The following RAD50 variants were observed in gnomAD, a reference collection of about 807,000 sequenced individuals.
The protein encoded by RAD50 is RAD50 double strand break repair protein.
In RAD50, 132 loss-of-function variants were observed where a neutral mutation model predicts 168.8. The ratio of observed to expected loss-of-function variants is 0.78; its 90% confidence interval spans 0.68 to 0.90. The LOEUF (loss-of-function observed/expected upper bound fraction) is 0.90. RAD50 is among the 40% of genes least tolerant of loss of function. The pLI is 0.00. For synonymous variants in RAD50, 525 were observed against 497.4 expected (o/e 1.06, Z -0.74); for missense variants, 1,347 against 1,534.4 (o/e 0.88, Z 2.04).
At chr5:132,587,318 A>G (rs1192897974) in intron 5 of RAD50, among the ~76,000 whole-genome samples, 3 of 152,184 alleles carry the variant, frequency 2.0e-5, no homozygotes, top group East Asian at 1.9e-4. Context: ...AGGACAGGAC[A>G]TGGTGTTTGG....
intron 22 of RAD50, 51 bp from the exon 23 acceptor site, chr5:132,638,029 CA>C (rs1427513466): frequency 6.3e-7 from 1 of 1,585,810 alleles, no homozygotes; most frequent in Non-Finnish European, 8.7e-7. Context: ...TTGTAAATGA[CA>C]AAAGGCTACA....
Position 132,595,816 on chromosome 5 carries a change from A to G in RAD50, c.2207+6A>G. 6.3e-7 allele frequency: 1 copy of G among 1,583,740 alleles called. No individual in the cohort carries two copies. The highest frequency in any genetic ancestry group is 8.6e-7 in the Non-Finnish European group (1 of 1,158,414). ...CTGGGACTTGTGCCCATGAGGTAAG[A>G]ATGGGATTTACCTTCACTGTACATG... On this transcript the variant is annotated splice_donor_region_variant and intron_variant, in intron 13 of 24. Transcript: ENST00000378823.
chr5:132,557,909 TAAATA>T (rs1750036375), intron 1 of RAD50, among the ~76,000 whole-genome samples: 1 of 151,992 alleles, frequency 6.6e-6, no homozygotes, highest in South Asian at 2.1e-4. Flanking sequence ...ACATGGAAAA[TAAATA>T]AATTCAAAAT....
rs1211207020 is a variant in RAD50 at position 132,603,384 on chromosome 5, AAAGAACGACATAG to A, written c.2299_2311del (p.Asp767LysfsTer8). 2.5e-6 allele frequency: 4 copies of A among 1,613,922 alleles called. No homozygotes were observed. The highest frequency in any genetic ancestry group is 3.4e-6 in the Non-Finnish European group (4 of 1,179,864). Reference sequence around the variant, plus strand: ...ATGTCAATAGAGACATACAGCGCCTAAAGAACGACATAGAAGAACAAGAAACACTCTTGGGTAC... The same window carrying A: ...ATGTCAATAGAGACATACAGCGCCTAAAGAACAAGAAACACTCTTGGGTAC... On this transcript the variant is annotated frameshift_variant, in exon 14 of 25. Coordinates refer to ENST00000378823, the MANE Select transcript of RAD50 (RefSeq NM_005732.4). LOFTEE classifies it high-confidence loss of function.
chr5:132,580,597 CA>C (rs1340179612), intron 5 of RAD50, among the ~76,000 whole-genome samples: 2 of 152,062 alleles, frequency 1.3e-5, no homozygotes, highest in Admixed American at 6.6e-5. Context: ...TTGAAGCATT[CA>C]AAAATTGCAC....
intron 2 of RAD50, among the ~76,000 whole-genome samples, chr5:132,574,676 C>G (rs115095602): frequency 6.6e-6 from 1 of 152,150 alleles, no homozygotes; most frequent in African/African-American, 2.4e-5. Flanking sequence ...TATGCTGTTT[C>G]CCTTTTAATA....
intron 21 of RAD50, among the ~76,000 whole-genome samples, chr5:132,624,759 G>A (rs1471246078): frequency 6.6e-6 from 1 of 151,688 alleles, no homozygotes; most frequent in East Asian, 1.9e-4. Flanking sequence ...AATTATCTGG[G>A]CGTGGTAGCA....
chr5:132,626,163 CGA>C (rs1751369545), intron 21 of RAD50, among the ~76,000 whole-genome samples: 1 of 152,076 alleles, frequency 6.6e-6, no homozygotes, highest in Non-Finnish European at 1.5e-5. Flanking sequence ...CCACCGCGCC[CGA>C]GAGGAACCAC....
At chr5:132,635,556 C>T (rs1489215136) in intron 21 of RAD50, among the ~76,000 whole-genome samples, 1 of 152,208 alleles carries the variant, frequency 6.6e-6, no homozygotes, top group Non-Finnish European at 1.5e-5. Context: ...CTCAGCAGAC[C>T]TGGCCATGGG....
rs148447593 is a variant in RAD50, at chr5:132,558,428, C to T, written c.130-856C>T. Among the ~76,000 whole-genome samples the T allele has an allele frequency of 2.6e-3, 390 of 152,188 alleles. 3 individuals carry two copies. Among genetic ancestry groups the T allele is most frequent in the African/African-American group, 9.0e-3 (375 of 41,518 alleles). On this transcript the variant is annotated intron_variant, in intron 1 of 24. Transcript: ENST00000378823. Reference sequence around the variant, plus strand: ...AAATGGAGATTAAAAATAGTTTCTACAGCTGGGCACGGTGGCTCACGCCTG... The same window carrying T: ...AAATGGAGATTAAAAATAGTTTCTATAGCTGGGCACGGTGGCTCACGCCTG...
intron 13 of RAD50, among the ~76,000 whole-genome samples, chr5:132,599,535 A>T (rs898090982): frequency 2.0e-5 from 3 of 152,144 alleles, no homozygotes; most frequent in African/African-American, 7.2e-5. Context: ...CACAAATGAA[A>T]GGTCAATAAT....
rs864622315 is a variant in RAD50, at chr5:132,559,286, C to G, written c.132C>G (p.Thr44=). 2 of 1,598,246 alleles carry G rather than the reference C, an allele frequency of 1.3e-6. No individual in the cohort carries two copies. The highest frequency in any genetic ancestry group is 1.7e-6 in the Non-Finnish European group (2 of 1,172,568). The change falls in exon 2 of 25, where the codon ACC becomes ACG. Residue 44 remains threonine (T), a splice_region_variant and synonymous_variant. Transcript: ENST00000378823. ...AATGTAATTTTCTATTTCTTTAGACCATCATTGAATGTCTAAAATATATTT... is the reference window on the plus strand; with the variant it reads ...AATGTAATTTTCTATTTCTTTAGACGATCATTGAATGTCTAAAATATATTT... ...LVGPNGAGKT[T]IIECLKYICT...
Position 132,619,881 on chromosome 5 carries a change from T to TAGAG in RAD50, c.3389+1588_3389+1589insGAGA, listed in dbSNP as rs1287520043. On this transcript the variant is annotated intron_variant, in intron 21 of 24. Coordinates refer to ENST00000378823, the MANE Select transcript of RAD50 (RefSeq NM_005732.4). ...ATATATATATATAAAGATATATATATATATAGAGAGAGAGAGAGAGAGATA... is the reference window on the plus strand; with the variant it reads ...ATATATATATATAAAGATATATATATAGAGATATAGAGAGAGAGAGAGAGAGATA... 2.5e-5 allele frequency among the ~76,000 whole-genome samples: 3 copies of TAGAG among 121,614 alleles called. 1 individual carries two copies. Among genetic ancestry groups the TAGAG allele is most frequent in the African/African-American group, 9.9e-5 (3 of 30,178 alleles). 79.8% of individuals were successfully genotyped at this position (121,614 alleles called of 152,430 possible).
In RAD50 at chr5:132,594,414, T is replaced by C. The variant is rs1188656594; in HGVS notation, c.1794-455T>C. 1.3e-5 allele frequency among the ~76,000 whole-genome samples: 2 copies of C among 152,110 alleles called. 1 individual carries two copies. Among genetic ancestry groups the C allele is most frequent in the East Asian group, 3.8e-4 (2 of 5,198 alleles). On this transcript the variant is annotated intron_variant, in intron 11 of 24. Transcript: ENST00000378823. ...AAAATCTTTGATGAATGAGAGGGAA[T>C]GACTGATCTGGACGCAAGTGGATGA...
intron 5 of RAD50, among the ~76,000 whole-genome samples, chr5:132,583,914 C>G (rs186371367): frequency 3.9e-4 from 60 of 152,128 alleles, no homozygotes; most frequent in Non-Finnish European, 7.5e-4. Context: ...TCAGGCTGGT[C>G]TCGAACTCCC....
At position 132,591,216 on chromosome 5, in the gene RAD50, T is replaced by C. The variant is rs1478408929; in HGVS notation, c.1453-8T>C. The C allele has an allele frequency of 3.1e-6, 5 of 1,600,160 alleles. No homozygotes were observed. In the South Asian group the frequency reaches 3.3e-5, roughly 11 times the overall value. On this transcript the variant is annotated splice_polypyrimidine_tract_variant and splice_region_variant and intron_variant, in intron 9 of 24. Transcript: ENST00000378823. ...AACACCTTTGCATTTGTATGAATTA[T>C]TGACTAGGAACGTGAGTTAAGCAAG...
chr5:132,619,828 C>CTCTG (rs1561651595), intron 21 of RAD50, among the ~76,000 whole-genome samples: 3 of 124,264 alleles, frequency 2.4e-5, no homozygotes, highest in African/African-American at 1.1e-4. Context: ...CTCTCTCTCT[C>CTCTG]TCTCTCTCTA....
At chr5:132,605,431 ACCT>A (rs1317390964) in intron 16 of RAD50, among the ~76,000 whole-genome samples, 6 of 151,664 alleles carry the variant, frequency 4.0e-5, no homozygotes, top group African/African-American at 1.5e-4. Flanking sequence ...TGCAGCCTCG[ACCT>A]CCTGAGCTCA....
intron 16 of RAD50, among the ~76,000 whole-genome samples, chr5:132,608,362 T>A (rs1007923148): frequency 6.6e-6 from 1 of 152,194 alleles, no homozygotes; most frequent in Non-Finnish European, 1.5e-5. Flanking sequence ...GGAGCTGGAC[T>A]GGGTTAAAAT....
Sources: allele counts gnomAD v4.1 joint callset (sites outside exome capture counted in the v4.1 genomes callset), GRCh38; gene constraint gnomAD v4.1.1; transcripts MANE v1.5; gene names NCBI Gene and HGNC (gene_info 2026-07-23, HGNC 2026-07-21).